HELZ: variants seen among roughly 807,000 people sequenced by gnomAD.
HELZ encodes helicase with zinc finger, also known as ATP-dependent RNA helicase with zinc finger domain.
Under a neutral mutation model 218.2 loss-of-function variants are expected in HELZ, and 23 were observed. The ratio of observed to expected loss-of-function variants is 0.11; its 90% CI spans 0.08 to 0.15. The LOEUF is 0.15. Ranked by LOEUF, HELZ falls within the 10% of genes least tolerant of loss-of-function variation. The pLI is 1.00. For missense variants in HELZ, 1,813 were observed against 2,353.7 expected, an observed-to-expected ratio of 0.77 and a Z score of 4.75; for synonymous variants, 814 against 829.4, an observed-to-expected ratio of 0.98 and a Z score of 0.32.
At chr17:67,185,435 G>A (rs1234018403) in intron 12 of HELZ, among the ~76,000 whole-genome samples, 3 of 152,020 alleles carry the variant, frequency 2.0e-5, no homozygotes, top group Admixed American at 2.0e-4. Context: ...AACAAAAGTA[G>A]TCACGCAATA....
chr17:67,165,452 C>T (rs763932023), intron 15 of HELZ, among the ~76,000 whole-genome samples: 44 of 152,104 alleles, frequency 2.9e-4, no homozygotes, highest in Non-Finnish European at 5.0e-4. Flanking sequence ...CCCTGGAAAC[C>T]ACTTACTAAA....
At chr17:67,216,597 G>T (rs1203048848) in intron 4 of HELZ, among the ~76,000 whole-genome samples, 1 of 151,320 alleles carries the variant, frequency 6.6e-6, no homozygotes, top group Non-Finnish European at 1.5e-5. Context: ...CTCCTCAAGA[G>T]TTGTCTATGT....
At position 67,075,943 on chromosome 17, in the gene HELZ, A is replaced by C. The variant is rs1336250383; in HGVS notation, c.*2309T>G. 1 of 152,646 alleles carries C rather than the reference A, an allele frequency of 6.6e-6. No homozygotes were observed. The highest frequency in any genetic ancestry group is 1.5e-5 in the Non-Finnish European group (1 of 68,024). 9.5% of individuals were successfully genotyped at this position (152,646 alleles called of 1,614,324 possible). ...CTTATCCAAAGCTTCCATCATCAAC[A>C]TATTTATATAAGGTGATGGGGTGCA... On this transcript the variant is annotated 3_prime_UTR_variant, in exon 33 of 33. Coordinates refer to ENST00000358691, the MANE Select transcript of HELZ (RefSeq NM_014877.4).
intron 31 of HELZ, among the ~76,000 whole-genome samples, chr17:67,105,946 T>C (rs1598227854): frequency 6.6e-6 from 1 of 152,332 alleles, no homozygotes; most frequent in South Asian, 2.1e-4. Flanking sequence ...CCTATGAATC[T>C]TGACTTTTAA....
At chr17:67,079,634 A>G (rs1299682948) in intron 32 of HELZ, among the ~76,000 whole-genome samples, 1 of 152,034 alleles carries the variant, frequency 6.6e-6, no homozygotes, top group Non-Finnish European at 1.5e-5. Flanking sequence ...TGGCCAAACC[A>G]CTCTGCAGGA....
At chr17:67,126,394 T>G (rs933110576) in intron 24 of HELZ, among the ~76,000 whole-genome samples, 1 of 152,148 alleles carries the variant, frequency 6.6e-6, no homozygotes, top group African/African-American at 2.4e-5. Flanking sequence ...AAAAAGATAG[T>G]GGCATGTCTA....
chr17:67,236,966 C>T (rs2041200296), intron 3 of HELZ, among the ~76,000 whole-genome samples: 2 of 152,194 alleles, frequency 1.3e-5, no homozygotes, highest in African/African-American at 4.8e-5. Flanking sequence ...CAAGGACCAG[C>T]CAACTGCCTC....
At chr17:67,209,265 C>A (rs959585174) in intron 5 of HELZ, among the ~76,000 whole-genome samples, 3 of 151,974 alleles carry the variant, frequency 2.0e-5, no homozygotes, top group African/African-American at 7.3e-5. Flanking sequence ...TGCCTGTTTT[C>A]CAAGTTTGTT....
chr17:67,217,415 A>C (rs1364173853), intron 4 of HELZ, among the ~76,000 whole-genome samples: 2 of 152,136 alleles, frequency 1.3e-5, no homozygotes, highest in African/African-American at 4.8e-5. Flanking sequence ...GGATTATTCT[A>C]ATAGTCTCCA....
chr17:67,232,701 T>A (rs900379363), intron 3 of HELZ, among the ~76,000 whole-genome samples: 1 of 152,176 alleles, frequency 6.6e-6, no homozygotes, highest in Admixed American at 6.5e-5. Context: ...TCACTATAAT[T>A]GATGCAGAGG....
At chr17:67,221,817 T>C (rs945127772) in intron 3 of HELZ, among the ~76,000 whole-genome samples, 1 of 151,948 alleles carries the variant, frequency 6.6e-6, no homozygotes, top group Non-Finnish European at 1.5e-5. Context: ...TAAAGTTTTT[T>C]GTTGTTGTTG....
At chr17:67,166,943 T>C (rs546565725) in intron 14 of HELZ, among the ~76,000 whole-genome samples, 300 of 152,292 alleles carry the variant, frequency 2.0e-3, no homozygotes, top group African/African-American at 6.9e-3. Flanking sequence ...ACCATTCCCA[T>C]GAAAATACTT....
intron 32 of HELZ, among the ~76,000 whole-genome samples, chr17:67,084,183 C>T (rs1214952290): frequency 3.3e-5 from 5 of 152,174 alleles, no homozygotes; most frequent in South Asian, 4.1e-4. Flanking sequence ...TAATGCTAAA[C>T]TAAGTGATAC....
intron 31 of HELZ, among the ~76,000 whole-genome samples, chr17:67,090,754 T>TG (rs2036551931): frequency 6.6e-6 from 1 of 152,132 alleles, no homozygotes; most frequent in Non-Finnish European, 1.5e-5. Context: ...ATAGGTAGTT[T>TG]GTATCCTCTT....
chr17:67,127,677 T>C lies in HELZ; in HGVS notation c.3387+974A>G, dbSNP rs1026196495. Among the ~76,000 whole-genome samples, 16 of 152,152 alleles carry C rather than the reference T, an allele frequency of 1.1e-4. No individual in the cohort carries two copies. The South Asian group carries it at 3.3e-3, about 32-fold the overall frequency. The stretch of plus-strand genomic sequence containing the variant: ...AGCCTGGGCAACATGCTAAACCTTG[T>C]CTCTACGAAAAATACAAAAGTTAGC... On this transcript the variant is annotated intron_variant, in intron 24 of 32. Transcript: ENST00000358691.
At chr17:67,211,965 A>G (rs368074367) in intron 5 of HELZ, among the ~76,000 whole-genome samples, 1 of 152,158 alleles carries the variant, frequency 6.6e-6, no homozygotes, top group East Asian at 1.9e-4. Flanking sequence ...CGTAACCCAC[A>G]GTAGGTCAGA....
chr17:67,166,060 G>A (rs8068558), intron 15 of HELZ, among the ~76,000 whole-genome samples: 5,267 of 152,088 alleles, frequency 0.035, 304 homozygotes, highest in African/African-American at 0.12. Context: ...GCTTGAGCCC[G>A]GGAGTTCAAG....
At chr17:67,143,332 G>A (rs1335501026) in intron 21 of HELZ, among the ~76,000 whole-genome samples, 1 of 152,062 alleles carries the variant, frequency 6.6e-6, no homozygotes, top group East Asian at 1.9e-4. Context: ...CCTTGGCCCG[G>A]TGTGGCTGCT....
intron 7 of HELZ, among the ~76,000 whole-genome samples, chr17:67,199,840 G>C (rs2040124490): frequency 6.6e-6 from 1 of 152,112 alleles, no homozygotes; most frequent in Non-Finnish European, 1.5e-5. Context: ...CCCTCTGTCT[G>C]TCTGAAGCGC....
Sources: gnomAD v4.1 joint callset for allele counts (sites outside exome capture counted in the v4.1 genomes callset) on GRCh38, gnomAD v4.1.1 for gene constraint, MANE v1.5 for transcripts, NCBI Gene and HGNC (gene_info 2026-07-23, HGNC 2026-07-21) for gene names.